The following AFF2 variants were observed in gnomAD, a reference collection of about 807,000 sequenced individuals.
AFF2 encodes the protein ALF transcription elongation factor 2, also known as AF4/FMR2 family member 2.
In AFF2, 14 loss-of-function variants were observed where a neutral mutation model predicts 76.9. The observed-to-expected ratio is 0.18, with a 90% CI of 0.12 to 0.28. The LOEUF (loss-of-function observed/expected upper bound fraction) is 0.28, where lower values mean the gene tolerates loss of function less well. Ranked by LOEUF, AFF2 falls within the 10% of genes least tolerant of loss-of-function variation. The pLI is 1.00. For synonymous variants in AFF2, 398 were observed against 366.7 expected, an observed-to-expected ratio of 1.09 and a Z score of -0.98; for missense variants, 868 against 1,001.1, an observed-to-expected ratio of 0.87 and a Z score of 1.79.
intron 1 of AFF2, among the ~76,000 whole-genome samples, chrX:148,527,766 C>T (rs986454538): frequency 1.3e-4 from 15 of 111,920 alleles, no homozygotes; most frequent in African/African-American, 3.9e-4. Flanking sequence ...CATCCTCATT[C>T]TATGCATTGA....
intron 19 of AFF2, among the ~76,000 whole-genome samples, chrX:148,983,533 C>T (rs2072420566): frequency 8.9e-6 from 1 of 112,242 alleles, no homozygotes; most frequent in African/African-American, 3.2e-5. Context: ...GCCATGATTA[C>T]TGTTGTAATT....
chrX:148,892,854 A>G (rs147123342), intron 8 of AFF2, among the ~76,000 whole-genome samples: 97 of 111,428 alleles, frequency 8.7e-4, no homozygotes, highest in African/African-American at 2.8e-3. Context: ...CTGCATTTCT[A>G]TTTACTTTGT....
intron 3 of AFF2, among the ~76,000 whole-genome samples, chrX:148,668,392 G>A (rs1164312207): frequency 8.9e-6 from 1 of 112,669 alleles, no homozygotes; most frequent in East Asian, 2.8e-4. Flanking sequence ...CCACTAGGTG[G>A]TGCCCCAACA....
chrX:148,521,408 ACACTCACT>A (rs1453107329), intron 1 of AFF2, among the ~76,000 whole-genome samples: 1 of 57,945 alleles, frequency 1.7e-5, no homozygotes, highest in Non-Finnish European at 3.8e-5. Flanking sequence ...ACACACACAC[ACACTCACT>A]GAGACTTTTG....
chrX:148,968,542 A>C (rs1165879748), intron 15 of AFF2, among the ~76,000 whole-genome samples: 4 of 112,031 alleles, frequency 3.6e-5, no homozygotes, highest in Non-Finnish European at 7.5e-5. Flanking sequence ...TGGGTTAAAA[A>C]ATAGCATCCT....
At chrX:148,837,276 A>G (rs1325576505) in intron 4 of AFF2, among the ~76,000 whole-genome samples, 1 of 112,244 alleles carries the variant, frequency 8.9e-6, no homozygotes, top group Non-Finnish European at 1.9e-5. Context: ...ATGCCAGGGG[A>G]TAGGATTACT....
chrX:148,931,514 A>G, intron 9 of AFF2, among the ~76,000 whole-genome samples: 1 of 112,120 alleles, frequency 8.9e-6, no homozygotes, highest in Non-Finnish European at 1.9e-5. Flanking sequence ...AAATCACACC[A>G]ACTAGCATCA....
intron 3 of AFF2, among the ~76,000 whole-genome samples, chrX:148,684,915 G>A (rs1358686787): frequency 2.7e-5 from 3 of 112,393 alleles, no homozygotes; most frequent in Admixed American, 1.9e-4. Context: ...TCTGTATTAT[G>A]TATGTTTAGG....
At chrX:148,762,460 T>TAG (rs1283349509) in intron 3 of AFF2, among the ~76,000 whole-genome samples, 1 of 83,930 alleles carries the variant, frequency 1.2e-5, no homozygotes, top group Non-Finnish European at 2.2e-5. Context: ...TATATATATA[T>TAG]TATGTGTGTA....
Position 148,996,873 on chromosome X carries a change from T to A in AFF2, c.*5541T>A, listed in dbSNP as rs782571594. 8.9e-6 allele frequency: 1 copy of A among 112,285 alleles called. No homozygotes were observed. Among genetic ancestry groups the A allele is most frequent in the African/African-American group, 3.2e-5 (1 of 30,829 alleles). 9.3% of individuals were successfully genotyped at this position (112,285 alleles called of 1,213,427 possible). ...TAAGTGAGTGTTTTTTATTTTATTA[T>A]TATTGTCATCATTATTTTGATTTAC... On this transcript the variant is annotated 3_prime_UTR_variant, in exon 21 of 21. Coordinates refer to ENST00000370460, the MANE Select transcript of AFF2 (RefSeq NM_002025.4).
At chrX:148,823,775 G>A (rs964649846) in intron 4 of AFF2, among the ~76,000 whole-genome samples, 5 of 111,674 alleles carry the variant, frequency 4.5e-5, no homozygotes, top group African/African-American at 1.6e-4. Context: ...ATATAAGACA[G>A]AACAAAAAAT....
At chrX:148,528,729 A>G (rs1557235491) in intron 1 of AFF2, among the ~76,000 whole-genome samples, 2 of 111,954 alleles carry the variant, frequency 1.8e-5, no homozygotes, top group Non-Finnish European at 1.9e-5. Context: ...AAATATTTCT[A>G]AAAGAAACAA....
chrX:148,978,387 T>C lies in AFF2; in HGVS notation c.3502T>C (p.Leu1168=). Residue 1168 remains leucine (L), a synonymous_variant, in exon 18 of 21, where the codon TTG becomes CTG. Coordinates refer to ENST00000370460, the MANE Select transcript of AFF2 (RefSeq NM_002025.4). ...LCYRCLSLLY[L]RMFKLKKDHA... is the part of the protein sequence containing the mutation. ...CTACCGATGTTTATCACTCCTCTAT[T>C]TGAGAATGTTTAAGCTGAAGAAGGA... 1 of 1,205,135 alleles carries C rather than the reference T, an allele frequency of 8.3e-7. No individual in the cohort carries two copies. Among genetic ancestry groups the C allele is most frequent in the Non-Finnish European group, 1.1e-6 (1 of 889,583 alleles).
intron 16 of AFF2, among the ~76,000 whole-genome samples, chrX:148,976,915 A>T (rs1331000093): frequency 8.9e-6 from 1 of 112,573 alleles, no homozygotes; most frequent in Non-Finnish European, 1.9e-5. Context: ...CACTCAACAG[A>T]ACTAGAGCAA....
At chrX:148,550,712 C>T (rs186627832) in intron 1 of AFF2, among the ~76,000 whole-genome samples, 4 of 110,719 alleles carry the variant, frequency 3.6e-5, no homozygotes, top group South Asian at 7.7e-4. Flanking sequence ...GGGGCATCTG[C>T]GAATACGTAT....
intron 3 of AFF2, among the ~76,000 whole-genome samples, chrX:148,672,843 C>T (rs968253504): frequency 9.0e-6 from 1 of 111,522 alleles, no homozygotes; most frequent in African/African-American, 3.3e-5. Flanking sequence ...CAGAAATCCT[C>T]AGACAACACA....
rs1172537904 is a variant in AFF2, at chrX:148,662,073, C to T, written c.346C>T (p.Pro116Ser). Reference sequence around the variant, plus strand: ...CAACAAAAATGAACCAAGCTTTTTTCCAGAACAAAAGAACAGAATAATTCC... The same window carrying T: ...CAACAAAAATGAACCAAGCTTTTTTTCAGAACAAAAGAACAGAATAATTCC... ...PNNKNEPSFFPEQKNRIIPPH... is the reference protein window; with the variant it reads ...PNNKNEPSFFSEQKNRIIPPH... The change falls in exon 3 of 21, where the codon CCA becomes TCA. Residue 116 changes from proline (P) to serine (S), a missense_variant. Transcript: ENST00000370460. 10 of 1,210,376 alleles carry T rather than the reference C, an allele frequency of 8.3e-6. No homozygotes were observed. Among genetic ancestry groups the T allele is most frequent in the Non-Finnish European group, 1.1e-5 (10 of 894,286 alleles).
chrX:148,955,018 C>T (rs868926344), intron 10 of AFF2, among the ~76,000 whole-genome samples: 4 of 112,541 alleles, frequency 3.6e-5, no homozygotes, highest in East Asian at 2.8e-4. Flanking sequence ...GCCCATACAC[C>T]GACGAAAGCT....
At chrX:148,819,493 A>T (rs782304705) in intron 4 of AFF2, among the ~76,000 whole-genome samples, 2 of 111,071 alleles carry the variant, frequency 1.8e-5, no homozygotes, top group African/African-American at 6.5e-5. Context: ...TCATTTACTC[A>T]TTTACTAAAT....
Sources: allele counts gnomAD v4.1 joint callset (sites outside exome capture counted in the v4.1 genomes callset), GRCh38; gene constraint gnomAD v4.1.1; transcripts MANE v1.5; gene names NCBI Gene and HGNC (gene_info 2026-07-23, HGNC 2026-07-21).